KIAA1549: variants seen among roughly 807,000 people sequenced by gnomAD.
KIAA1549 encodes the protein UPF0606 protein KIAA1549.
A neutral mutation model predicts 156.4 loss-of-function variants in KIAA1549; 70 were observed. The ratio of observed to expected loss-of-function variants is 0.45; its 90% CI spans 0.37 to 0.55. The LOEUF is 0.55. KIAA1549 is among the 20% of genes least tolerant of loss of function. KIAA1549 has a pLI of 0.00. For synonymous variants in KIAA1549, 1,103 were observed against 1,066.4 expected (o/e 1.03, Z -0.67); for missense variants, 2,428 against 2,540.9 (o/e 0.96, Z 0.96).
intron 10 of KIAA1549, among the ~76,000 whole-genome samples, chr7:138,886,964 T>C (rs10267281): frequency 0.17 from 25,575 of 152,054 alleles, 3,769 homozygotes; most frequent in African/African-American, 0.4. Flanking sequence ...TACAATGGTA[T>C]GATGTCGGCT....
intron 16 of KIAA1549, among the ~76,000 whole-genome samples, chr7:138,858,866 C>T (rs189547027): frequency 6.6e-6 from 1 of 152,034 alleles, no homozygotes; most frequent in Non-Finnish European, 1.5e-5. Context: ...ATTAGCCAGG[C>T]GAGGTGGCAG....
rs540623234 is a variant in KIAA1549, at chr7:138,882,813, C to G, written c.4033-1229G>C. Among the ~76,000 whole-genome samples the G allele has an allele frequency of 9.9e-5, 15 of 152,098 alleles. No homozygotes were observed. The East Asian group carries it at 2.3e-3, about 24-fold the overall frequency. ...GGAGAAAGGGCTCTTCAAAAACGTG[C>G]CCCACTCAAACCAGTGGATGCAGGA... On this transcript the variant is annotated intron_variant, in intron 10 of 19. Coordinates refer to ENST00000422774, the MANE Select transcript of KIAA1549 (RefSeq NM_001164665.2).
rs576038526 is a variant in KIAA1549, at chr7:138,832,838, A to C, written c.*5068T>G. On this transcript the variant is annotated 3_prime_UTR_variant, in exon 20 of 20. Transcript: ENST00000422774. Reference sequence around the variant, plus strand: ...AGAAAGTAGTCCTGTTTAAACACTGACAATCACCTCCACGAATATCAAAAG... The same window carrying C: ...AGAAAGTAGTCCTGTTTAAACACTGCCAATCACCTCCACGAATATCAAAAG... The C allele has an allele frequency of 7.9e-4, 179 of 227,228 alleles. 4 individuals carry two copies. In the South Asian group the frequency reaches 0.032, roughly 41 times the overall value. The allele number at this position is 227,228 out of a possible 1,614,324, so 14.1% of individuals were successfully genotyped here. A position where few individuals can be genotyped will look rare whatever the true frequency, so the allele number is the denominator to read the frequency against.
At position 138,840,154 on chromosome 7, in the gene KIAA1549, G is replaced by C; in HGVS notation, c.5577C>G (p.Asp1859Glu). Residue 1859 changes from aspartate to glutamate, a missense_variant, in exon 19 of 20, where the codon GAC becomes GAG. Transcript: ENST00000422774. ...TCACGGCCTCTCTTCGCCCCGCTTC[G>C]TCCTCCCCGTACGAAGGCCAGCCTG... ...GGPGWPSYGE[D>E]EAGRREATHM... 1 of 1,553,260 alleles carries C rather than the reference G, an allele frequency of 6.4e-7. No individual in the cohort carries two copies. The highest frequency in any genetic ancestry group is 8.7e-7 in the Non-Finnish European group (1 of 1,147,832).
At chr7:138,896,233 C>T (rs1811680903) in intron 9 of KIAA1549, among the ~76,000 whole-genome samples, 1 of 152,194 alleles carries the variant, frequency 6.6e-6, no homozygotes, top group African/African-American at 2.4e-5. Context: ...CTTTCATACC[C>T]TATGATGGTT....
intron 16 of KIAA1549, among the ~76,000 whole-genome samples, chr7:138,860,180 T>C (rs753021746): frequency 1.3e-5 from 2 of 152,222 alleles, no homozygotes; most frequent in Admixed American, 6.5e-5. Flanking sequence ...AGATAGTTGT[T>C]GGAACAAGCT....
At chr7:138,922,254 G>C (rs979054880) in intron 1 of KIAA1549, among the ~76,000 whole-genome samples, 1 of 152,176 alleles carries the variant, frequency 6.6e-6, no homozygotes, top group Non-Finnish European at 1.5e-5. Context: ...ATTTAAAGTG[G>C]ACCAGGTCTC....
At chr7:138,921,057 G>A (rs965516386) in intron 1 of KIAA1549, among the ~76,000 whole-genome samples, 7 of 152,180 alleles carry the variant, frequency 4.6e-5, no homozygotes, top group Admixed American at 4.6e-4. Context: ...TGGACCAGCT[G>A]GCCTGTTGTT....
chr7:138,965,734 G>A lies in KIAA1549; in HGVS notation c.187+15349C>T, dbSNP rs116427768. On this transcript the variant is annotated intron_variant, in intron 1 of 19. Coordinates refer to ENST00000422774, the MANE Select transcript of KIAA1549 (RefSeq NM_001164665.2). ...TGTACATGTGAAAACAGTCTGAAAG[G>A]AGAGATACTAAAATGTCATAGCAGT... 7.4e-3 allele frequency among the ~76,000 whole-genome samples: 1,126 copies of A among 152,320 alleles called. 13 individuals are homozygous for A. Among genetic ancestry groups the A allele is most frequent in the African/African-American group, 0.025 (1,019 of 41,562 alleles).
At position 138,834,690 on chromosome 7, in the gene KIAA1549, C is replaced by T. The variant is rs141536308; in HGVS notation, c.*3216G>A. The T allele has an allele frequency of 4.7e-5, 11 of 232,434 alleles. No individual in the cohort carries two copies. Among genetic ancestry groups the T allele is most frequent in the African/African-American group, 1.3e-4 (6 of 45,390 alleles). 14.4% of individuals were successfully genotyped at this position (232,434 alleles called of 1,614,324 possible). A position where few individuals can be genotyped will look rare whatever the true frequency, so the allele number is the denominator to read the frequency against. On this transcript the variant is annotated 3_prime_UTR_variant, in exon 20 of 20. Transcript: ENST00000422774. ...TGGGAGTGAGGAAACTGAGTCACAC[C>T]GAGCTTTCGGTTTTGCTCATTACCC... is the stretch of plus-strand genomic sequence containing the variant.
chr7:138,888,307 A>G (rs967843616), intron 10 of KIAA1549, among the ~76,000 whole-genome samples: 18 of 152,242 alleles, frequency 1.2e-4, no homozygotes, highest in African/African-American at 4.3e-4. Context: ...GGGAGAGCTG[A>G]GTTAATACTG....
intron 16 of KIAA1549, 148 bp downstream of exon 16, chr7:138,860,991 G>A: frequency 2.7e-6 from 2 of 752,406 alleles, no homozygotes; most frequent in South Asian, 3.2e-5. Context: ...AATTAATTTA[G>A]TAGAAGATAA....
In KIAA1549 at chr7:138,917,405, C is replaced by T. The variant is rs2130478383; in HGVS notation, c.2221G>A (p.Glu741Lys). The change falls in exon 2 of 20, where the codon GAA (glutamate) becomes AAA (lysine). Residue 741 changes from glutamate to lysine, a missense_variant. Physicochemically the swap from Glu to Lys is moderately conservative, Grantham distance 56. This residue lies in a region of KIAA1549 where 762 missense variants were observed against 901.6 expected (regional missense o/e 0.85). Coordinates refer to ENST00000422774, the MANE Select transcript of KIAA1549 (RefSeq NM_001164665.2). ...ATGAAAGCTGAGGTAAAATGAGCTT[C>T]TGAATCCGTCAGTGAAACCGTAGAC... ...EASTVSLTDS[E>K]AHFTSAFIET... 1.2e-6 allele frequency: 2 copies of T among 1,613,964 alleles called. No homozygotes were observed. Among genetic ancestry groups the T allele is most frequent in the Non-Finnish European group, 1.7e-6 (2 of 1,179,862 alleles).
intron 18 of KIAA1549, among the ~76,000 whole-genome samples, chr7:138,842,761 T>C (rs1021279517): frequency 4.0e-5 from 6 of 151,872 alleles, no homozygotes; most frequent in Admixed American, 3.9e-4. Context: ...AGATGAAGCA[T>C]CAAACACATA....
intron 10 of KIAA1549, among the ~76,000 whole-genome samples, chr7:138,885,587 G>A (rs1449218761): frequency 5.3e-5 from 8 of 152,148 alleles, no homozygotes; most frequent in Admixed American, 4.6e-4. Flanking sequence ...AACGGCAACC[G>A]TATCAACCCA....
At chr7:138,903,063 A>G (rs1811887309) in intron 8 of KIAA1549, among the ~76,000 whole-genome samples, 1 of 152,188 alleles carries the variant, frequency 6.6e-6, no homozygotes, top group South Asian at 2.1e-4. Flanking sequence ...GATTTTGCTC[A>G]GAAAATAAAT....
chr7:138,977,421 T>C (rs1342975375), intron 1 of KIAA1549, among the ~76,000 whole-genome samples: 1 of 152,158 alleles, frequency 6.6e-6, no homozygotes, highest in East Asian at 1.9e-4. Flanking sequence ...AAAGTAACAT[T>C]CAATGCCAGT....
intron 8 of KIAA1549, 119 bp from the exon 9 acceptor site, chr7:138,899,251 C>A: frequency 1.1e-6 from 1 of 893,790 alleles, no homozygotes; most frequent in Non-Finnish European, 1.8e-6. Context: ...TAATAAGCTC[C>A]GTAAGCCATT....
chr7:138,879,164 A>C (rs905202367), intron 12 of KIAA1549, among the ~76,000 whole-genome samples: 4 of 152,170 alleles, frequency 2.6e-5, no homozygotes, highest in African/African-American at 7.2e-5. Flanking sequence ...TAAACAAACA[A>C]CTTTCTGACT....
Sources: gnomAD v4.1 joint callset for allele counts (sites outside exome capture counted in the v4.1 genomes callset) on GRCh38, gnomAD v4.1.1 for gene constraint, gnomAD v4.1.1 regional missense constraint, MANE v1.5 for transcripts, NCBI Gene and HGNC (gene_info 2026-07-23, HGNC 2026-07-21) for gene names.